Variants in ZBTB44 observed in about 807,000 individuals in gnomAD.
The protein encoded by ZBTB44 is zinc finger and BTB domain containing 44.
Under a neutral mutation model 54.0 loss-of-function variants are expected in ZBTB44, and 15 were observed. That is an observed-to-expected ratio of 0.28 (90% CI 0.19 to 0.43). ZBTB44 has a LOEUF of 0.43. Among genes scored for constraint, ZBTB44 ranks in the 20% least tolerant of loss-of-function variants. The pLI, the probability that ZBTB44 is intolerant of heterozygous loss-of-function variation, is 1.00. For missense variants in ZBTB44, 487 were observed against 707.1 expected (o/e 0.69, Z 3.53); for synonymous variants, 230 against 250.1 (o/e 0.92, Z 0.76).
At chr11:130,270,973 G>T (rs1377515457) in intron 1 of ZBTB44, among the ~76,000 whole-genome samples, 1 of 152,194 alleles carries the variant, frequency 6.6e-6, no homozygotes. Context: ...GACATGTAAA[G>T]AATGTACGGG....
chr11:130,285,492 A>G (rs551632255), intron 1 of ZBTB44: 3 of 175,818 alleles, frequency 1.7e-5, no homozygotes, highest in Admixed American at 1.2e-4. Flanking sequence ...AGGTTTCACC[A>G]TGTTGGCCAG....
At chr11:130,256,176 T>C (rs892756221) in intron 2 of ZBTB44, among the ~76,000 whole-genome samples, 1 of 152,150 alleles carries the variant, frequency 6.6e-6, no homozygotes, top group African/African-American at 2.4e-5. Flanking sequence ...CTGATGAACA[T>C]TGATGTGAAA....
rs1953704909 is a variant in ZBTB44, at chr11:130,226,721, C to T, written c.*5043G>A. ...AGATATTTTAATGAGAAAACGAAAA[C>T]AAAATCAAACCTTAGTCTCATGTTT... On this transcript the variant is annotated 3_prime_UTR_variant, in exon 8 of 8. Coordinates refer to ENST00000357899, the MANE Select transcript of ZBTB44 (RefSeq NM_001301098.2). 1 of 152,048 alleles carries T rather than the reference C, an allele frequency of 6.6e-6. No homozygotes were observed. The highest frequency in any genetic ancestry group is 2.1e-4 in the South Asian group (1 of 4,830). 9.4% of individuals were successfully genotyped at this position (152,048 alleles called of 1,614,324 possible).
intron 1 of ZBTB44, among the ~76,000 whole-genome samples, chr11:130,278,660 T>A (rs1940280838): frequency 1.3e-5 from 2 of 152,234 alleles, no homozygotes; most frequent in Non-Finnish European, 2.9e-5. Context: ...GCATAATTTC[T>A]ATTGATCTAT....
chr11:130,239,619 G>T, intron 3 of ZBTB44, 193 bp downstream of exon 3: 2 of 431,302 alleles, frequency 4.6e-6, no homozygotes, highest in Non-Finnish European at 8.4e-6. Context: ...AGGTAGTTTT[G>T]GAAATGCTGG....
At chr11:130,272,790 A>C (rs1260568599) in intron 1 of ZBTB44, among the ~76,000 whole-genome samples, 3 of 150,228 alleles carry the variant, frequency 2.0e-5, no homozygotes, top group African/African-American at 7.4e-5. Flanking sequence ...GTAGCTATTT[A>C]GTTGTCCCAG....
At chr11:130,255,694 A>G (rs1391393184) in intron 2 of ZBTB44, among the ~76,000 whole-genome samples, 1 of 152,140 alleles carries the variant, frequency 6.6e-6, no homozygotes, top group Non-Finnish European at 1.5e-5. Context: ...AAATAGACAC[A>G]ATAAAAAATG....
chr11:130,270,695 T>G (rs1255213549), intron 1 of ZBTB44, among the ~76,000 whole-genome samples: 4 of 152,176 alleles, frequency 2.6e-5, no homozygotes, highest in African/African-American at 7.2e-5. Context: ...TAGGCATGAT[T>G]TTGTACTAAG....
intron 1 of ZBTB44, among the ~76,000 whole-genome samples, chr11:130,292,876 TCTCA>T (rs1456179937): frequency 1.3e-5 from 2 of 152,186 alleles, no homozygotes; most frequent in Non-Finnish European, 2.9e-5. Flanking sequence ...ATAAGACGTT[TCTCA>T]CTATTAAGAC....
At chr11:130,314,217 G>A (rs921798224) in intron 1 of ZBTB44, among the ~76,000 whole-genome samples, 158 bp downstream of exon 1, 5 of 152,156 alleles carry the variant, frequency 3.3e-5, no homozygotes, top group African/African-American at 1.2e-4. Flanking sequence ...AAATGCCACC[G>A]AGGGGATCCC....
At chr11:130,294,978 C>T (rs1025469125) in intron 1 of ZBTB44, among the ~76,000 whole-genome samples, 3 of 152,102 alleles carry the variant, frequency 2.0e-5, no homozygotes, top group East Asian at 1.9e-4. Flanking sequence ...ACTGCATATA[C>T]GCTTTAAAAT....
At chr11:130,280,026 C>A (rs753387921) in intron 1 of ZBTB44, among the ~76,000 whole-genome samples, 1 of 152,116 alleles carries the variant, frequency 6.6e-6, no homozygotes, top group Non-Finnish European at 1.5e-5. Context: ...AGGGGGACAG[C>A]AACCTGAAGA....
chr11:130,277,443 C>G (rs868262716), intron 1 of ZBTB44, among the ~76,000 whole-genome samples: 88 of 151,892 alleles, frequency 5.8e-4, no homozygotes, highest in Middle Eastern at 3.4e-3. Context: ...CTCATGATTA[C>G]AAACACAATA....
intron 5 of ZBTB44, among the ~76,000 whole-genome samples, chr11:130,234,556 A>G (rs1301987934): frequency 6.6e-6 from 1 of 152,182 alleles, no homozygotes; most frequent in Non-Finnish European, 1.5e-5. Flanking sequence ...TTCTTGTTCT[A>G]TGTAGAGGAG....
chr11:130,281,633 C>A (rs894393028), intron 1 of ZBTB44, among the ~76,000 whole-genome samples: 1 of 151,800 alleles, frequency 6.6e-6, no homozygotes, highest in Non-Finnish European at 1.5e-5. Context: ...CTCACTCTGT[C>A]ACCCCGGCTA....
Position 130,261,946 on chromosome 11 carries a change from A to G in ZBTB44, c.-56-17T>C. On this transcript the variant is annotated splice_polypyrimidine_tract_variant and intron_variant, in intron 1 of 7. Coordinates refer to ENST00000357899, the MANE Select transcript of ZBTB44 (RefSeq NM_001301098.2). The surrounding 1 kb of genome is among the most constrained non-coding windows in gnomAD (Gnocchi z 4.8). ...AGAAATGTCCTAAAAAATACATAAAATAAAGCATTAATTGATATTTTAGTG... is the reference window on the plus strand; with the variant it reads ...AGAAATGTCCTAAAAAATACATAAAGTAAAGCATTAATTGATATTTTAGTG... 7.0e-7 allele frequency: 1 copy of G among 1,421,648 alleles called. No individual in the cohort carries two copies. Among genetic ancestry groups the G allele is most frequent in the Non-Finnish European group, 9.3e-7 (1 of 1,075,256 alleles). 88.1% of individuals were successfully genotyped at this position (1,421,648 alleles called of 1,614,324 possible). A position where few individuals can be genotyped will look rare whatever the true frequency, so the allele number is the denominator to read the frequency against.
At chr11:130,313,204 G>A (rs979459551) in intron 1 of ZBTB44, among the ~76,000 whole-genome samples, 2 of 152,134 alleles carry the variant, frequency 1.3e-5, no homozygotes, top group African/African-American at 4.8e-5. Context: ...TGTGCCCTAA[G>A]GCAAGTTGTA....
intron 1 of ZBTB44, among the ~76,000 whole-genome samples, chr11:130,289,804 G>A (rs538839707): frequency 1.3e-5 from 2 of 152,076 alleles, no homozygotes; most frequent in South Asian, 2.1e-4. Flanking sequence ...ATAAATGTCC[G>A]TATTGTTTAA....
At chr11:130,263,835 C>T (rs1939055121) in intron 1 of ZBTB44, among the ~76,000 whole-genome samples, 1 of 152,202 alleles carries the variant, frequency 6.6e-6, no homozygotes, top group South Asian at 2.1e-4. Flanking sequence ...TCCCTGCTTA[C>T]TCCCCTGCAG....
Sources: allele counts gnomAD v4.1 joint callset (sites outside exome capture counted in the v4.1 genomes callset), GRCh38; gene constraint gnomAD v4.1.1; non-coding constraint Gnocchi (gnomAD v3.1); transcripts MANE v1.5; gene names NCBI Gene and HGNC (gene_info 2026-07-23, HGNC 2026-07-21).